The following UTRN variants were observed in gnomAD, a reference collection of about 807,000 sequenced individuals.
The protein encoded by UTRN is dystrophin-related protein 1.
A neutral mutation model predicts 463.9 loss-of-function variants in UTRN; 283 were observed. The ratio of observed to expected loss-of-function variants is 0.61; its 90% confidence interval spans 0.55 to 0.67. The LOEUF is 0.67. UTRN is among the 30% of genes least tolerant of loss of function. The pLI, the probability that UTRN is intolerant of heterozygous loss-of-function variation, is 0.00. For synonymous variants in UTRN, 1,442 were observed against 1,431.5 expected, an observed-to-expected ratio of 1.01 and a Z score of -0.17; for missense variants, 3,922 against 4,084.3, an observed-to-expected ratio of 0.96 and a Z score of 1.08.
chr6:144,780,784 C>G (rs926445125), intron 60 of UTRN, among the ~76,000 whole-genome samples: 23 of 152,210 alleles, frequency 1.5e-4, no homozygotes, highest in African/African-American at 5.1e-4. Context: ...GTGTGTAAGT[C>G]ACGCATCACC....
At chr6:144,632,876 C>T (rs1239739249) in intron 51 of UTRN, among the ~76,000 whole-genome samples, 4 of 151,978 alleles carry the variant, frequency 2.6e-5, no homozygotes, top group African/African-American at 9.7e-5. Context: ...CATGCACCAC[C>T]ATGCCTGGCT....
At chr6:144,322,001 C>A (rs1314020427) in intron 2 of UTRN, among the ~76,000 whole-genome samples, 1 of 151,794 alleles carries the variant, frequency 6.6e-6, no homozygotes, top group Admixed American at 6.6e-5. Flanking sequence ...TGACTTCAAG[C>A]GATCCACCCG....
intron 61 of UTRN, among the ~76,000 whole-genome samples, chr6:144,786,498 A>G (rs972909386): frequency 1.3e-5 from 2 of 151,932 alleles, no homozygotes; most frequent in Non-Finnish European, 2.9e-5. Flanking sequence ...GTTGGCCAGG[A>G]TGGTCTCAAT....
chr6:144,732,401 G>A (rs1398498810), intron 54 of UTRN, among the ~76,000 whole-genome samples: 1 of 151,420 alleles, frequency 6.6e-6, no homozygotes, highest in African/African-American at 2.4e-5. Flanking sequence ...TGTAGACTTA[G>A]AATAGTTTTA....
chr6:144,776,070 C>A (rs1775295393), intron 60 of UTRN, among the ~76,000 whole-genome samples: 1 of 152,198 alleles, frequency 6.6e-6, no homozygotes, highest in African/African-American at 2.4e-5. Context: ...TCTCCCACTG[C>A]CCTCCAGCCA....
At chr6:144,483,068 T>G (rs572434617) in intron 27 of UTRN, among the ~76,000 whole-genome samples, 2 of 152,326 alleles carry the variant, frequency 1.3e-5, no homozygotes, top group East Asian at 3.9e-4. Flanking sequence ...TACATTCAAT[T>G]TGACGTAAAA....
At chr6:144,648,350 G>A (rs1247488248) in intron 51 of UTRN, among the ~76,000 whole-genome samples, 2 of 152,274 alleles carry the variant, frequency 1.3e-5, no homozygotes, top group East Asian at 1.9e-4. Flanking sequence ...GAGCAGAAAA[G>A]CACAGTGGGG....
chr6:144,384,902 GTTC>G (rs1781275108), intron 2 of UTRN, among the ~76,000 whole-genome samples: 1 of 152,080 alleles, frequency 6.6e-6, no homozygotes, highest in Admixed American at 6.5e-5. Flanking sequence ...TCTGCTTTCA[GTTC>G]TTCTGGTTAT....
intron 23 of UTRN, among the ~76,000 whole-genome samples, chr6:144,469,714 TAGTA>T (rs1790315405): frequency 6.7e-6 from 1 of 149,782 alleles, no homozygotes. Flanking sequence ...TTTTTTTTTT[TAGTA>T]TTTATTGATC....
chr6:144,510,989 A>G lies in UTRN; in HGVS notation c.4810A>G (p.Ile1604Val), dbSNP rs752642944. The G allele has an allele frequency of 4.3e-6, 7 of 1,611,088 alleles. No individual in the cohort carries two copies. Among genetic ancestry groups the G allele is most frequent in the Non-Finnish European group, 5.9e-6 (7 of 1,178,164 alleles). ...LEKRKADLNT[I>V]TESSAALQNL... The stretch of plus-strand genomic sequence containing the variant: ...AAAGAGAAAAGCTGATTTAAATACC[A>G]TCACAGAGAGTAGTGCTGCCCTGCA... Residue 1604 changes from isoleucine to valine, a missense_variant, in exon 35 of 75, where the codon ATC becomes GTC. Around this residue, in one of 3 missense-constraint regions of UTRN, gnomAD observed 2,349 missense variants for 2,303.8 expected, o/e 1.02. Transcript: ENST00000367545.
At chr6:144,781,363 G>T (rs1775813053) in intron 60 of UTRN, among the ~76,000 whole-genome samples, 2 of 152,318 alleles carry the variant, frequency 1.3e-5, no homozygotes, top group Admixed American at 1.3e-4. Context: ...GCTTGATTCA[G>T]CAGGCAGTGG....
intron 41 of UTRN, among the ~76,000 whole-genome samples, chr6:144,530,519 T>G (rs1387430177): frequency 3.9e-5 from 6 of 152,196 alleles, no homozygotes; most frequent in African/African-American, 1.4e-4. Context: ...TGTTTTGGCC[T>G]TTTGTGCTTT....
At chr6:144,330,820 A>G (rs1046915248) in intron 2 of UTRN, 183 of 985,474 alleles carry the variant, frequency 1.9e-4, no homozygotes, top group Non-Finnish European at 2.1e-4. Context: ...CACGGTTCCC[A>G]TACTGTTTGG....
chr6:144,445,571 C>A (rs1424700658), intron 14 of UTRN, among the ~76,000 whole-genome samples: 1 of 151,266 alleles, frequency 6.6e-6, no homozygotes, highest in African/African-American at 2.4e-5. Context: ...CCCCCCCGCC[C>A]TCAATCTGTG....
rs1327551407 is a variant in UTRN at position 144,462,669 on chromosome 6, C to T, written c.2869C>T (p.Leu957Phe). Residue 957 changes from leucine to phenylalanine, a missense_variant, in exon 23 of 75, where the codon CTT (leucine) becomes TTT (phenylalanine). Leu to Phe is a conservative substitution (Grantham distance 22). Around this residue, in one of 3 missense-constraint regions of UTRN, gnomAD observed 2,349 missense variants for 2,303.8 expected, o/e 1.02. Transcript: ENST00000367545. ...LQEKKTLDEILENQKPALHKL... is the reference protein window; with the variant it reads ...LQEKKTLDEIFENQKPALHKL... ...CTTTTTCCAGACCCTTGATGAAATC[C>T]TTGAGAATCAGAAACCTGCATTACA... The T allele has an allele frequency of 6.2e-7, 1 of 1,601,756 alleles. No homozygotes were observed. The highest frequency in any genetic ancestry group is 1.8e-5 in the Admixed American group (1 of 56,232).
At chr6:144,595,359 C>T (rs973055039) in intron 51 of UTRN, among the ~76,000 whole-genome samples, 2 of 152,210 alleles carry the variant, frequency 1.3e-5, no homozygotes, top group African/African-American at 4.8e-5. Flanking sequence ...TTGAGTTTCT[C>T]ACCATGCACT....
rs1792919877 is a variant in UTRN, at chr6:144,490,171, G to GAGAGT, written c.4237_4238insAGTAG (p.Gly1413GlufsTer2). 1.2e-6 allele frequency: 2 copies of GAGAGT among 1,612,520 alleles called. No homozygotes were observed. Among genetic ancestry groups the GAGAGT allele is most frequent in the Non-Finnish European group, 1.7e-6 (2 of 1,179,432 alleles). On this transcript the variant is annotated frameshift_variant, in exon 31 of 75. Transcript: ENST00000367545. LOFTEE classifies it high-confidence loss of function. ...ACCTCCCCAGAGAGTAGGACTGCCA[G>GAGAGT]AGGAGGAAGTCAGATGGATGTGCTA...
At chr6:144,590,884 A>ATG (rs1802991680) in intron 51 of UTRN, among the ~76,000 whole-genome samples, 1 of 45,380 alleles carries the variant, frequency 2.2e-5, no homozygotes, top group East Asian at 4.2e-4. Context: ...ACGCACATGC[A>ATG]CACACACACA....
At chr6:144,344,106 A>C (rs921958065) in intron 2 of UTRN, 3 of 1,159,664 alleles carry the variant, frequency 2.6e-6, no homozygotes, top group South Asian at 1.7e-5. Flanking sequence ...AAAAAAAAAA[A>C]AAAACCCAAA....
Sources: gnomAD v4.1 joint callset for allele counts (sites outside exome capture counted in the v4.1 genomes callset) on GRCh38, gnomAD v4.1.1 for gene constraint, gnomAD v4.1.1 regional missense constraint, MANE v1.5 for transcripts, NCBI Gene and HGNC (gene_info 2026-07-23, HGNC 2026-07-21) for gene names.